Variants in ZNF134 observed in about 807,000 individuals in gnomAD.
ZNF134 encodes the protein zinc finger protein 134.
ZNF134 carries 5 observed loss-of-function variants against 2.5 expected under a neutral mutation model. That is an observed-to-expected ratio of 2.03 (90% CI 1.06 to 4.27). The LOEUF (loss-of-function observed/expected upper bound fraction) is 4.27. ZNF134 is among the 30% of genes most tolerant of loss of function. The probability of loss-of-function intolerance (pLI) is 0.00; values close to 1 mark genes in which losing one functional copy is unlikely to be tolerated. For missense variants in ZNF134, 540 were observed against 517.5 expected (o/e 1.04, Z -0.42); for synonymous variants, 176 against 176.2 (o/e 1.00, Z 0.01).
Position 57,620,404 on chromosome 19 carries a change from G to A in ZNF134, c.285G>A (p.Gln95=), listed in dbSNP as rs1981168769. Residue 95 remains glutamine (Q), a synonymous_variant, in exon 3 of 3, where the codon CAG becomes CAA. Transcript: ENST00000396161. The part of the protein sequence containing the change: ...RQFWFSANLH[Q]YQKCYSIEQP... ...TCTGGTTCAGTGCAAACCTTCATCA[G>A]TACCAGAAGTGTTACAGTATAGAGC... 1 of 1,614,068 alleles carries A rather than the reference G, an allele frequency of 6.2e-7. No individual in the cohort carries two copies. The highest frequency in any genetic ancestry group is 1.3e-5 in the African/African-American group (1 of 74,910).
rs1981251504 is a variant in ZNF134 at position 57,622,382 on chromosome 19, A to G, written c.*979A>G. ...TCTAAAGCATCCAGTAGGGAAACAA[A>G]ATTGATAAATATTGAGTGTGAGTAA... On this transcript the variant is annotated 3_prime_UTR_variant, in exon 3 of 3. Transcript: ENST00000396161. 6.6e-6 allele frequency: 1 copy of G among 152,238 alleles called. No individual in the cohort carries two copies. The highest frequency in any genetic ancestry group is 1.5e-5 in the Non-Finnish European group (1 of 68,064). The allele number at this position is 152,238 out of a possible 1,614,324, so 9.4% of individuals were successfully genotyped here.
intron 2 of ZNF134, 48 bp from the exon 3 acceptor site, chr19:57,620,112 C>A: frequency 6.3e-7 from 1 of 1,575,764 alleles, no homozygotes; most frequent in South Asian, 1.2e-5. Flanking sequence ...GTAGTTGCCC[C>A]ACCCACCAAA....
In ZNF134 at chr19:57,620,994, A is replaced by G; in HGVS notation, c.875A>G (p.Asp292Gly). 1 of 1,613,874 alleles carries G rather than the reference A, an allele frequency of 6.2e-7. No homozygotes were observed. The highest frequency in any genetic ancestry group is 8.5e-7 in the Non-Finnish European group (1 of 1,179,946). ...HNGARPYKCS[D>G]CGKVFRHKST... ...GGAGCAAGGCCTTATAAGTGCAGTGATTGTGGGAAAGTCTTCAGACACAAA... is the reference window on the plus strand; with the variant it reads ...GGAGCAAGGCCTTATAAGTGCAGTGGTTGTGGGAAAGTCTTCAGACACAAA... The change falls in exon 3 of 3, where the codon GAT (aspartate) becomes GGT (glycine). Residue 292 changes from aspartate to glycine, a missense_variant. Coordinates refer to ENST00000396161, the MANE Select transcript of ZNF134 (RefSeq NM_003435.5).
Position 57,614,257 on chromosome 19 carries a change from T to C in ZNF134, c.-304T>C, listed in dbSNP as rs899783789. 4 of 427,800 alleles carry C rather than the reference T, an allele frequency of 9.4e-6. No individual in the cohort carries two copies. The East Asian group carries it at 2.3e-4, about 25-fold the overall frequency. The allele number at this position is 427,800 out of a possible 1,614,324, so 26.5% of individuals were successfully genotyped here. ...TATCTTCCTCGCGGTGGACATCTTGTCGGCTCTTAGGTGGAACCATCGGAG... is the reference window on the plus strand; with the variant it reads ...TATCTTCCTCGCGGTGGACATCTTGCCGGCTCTTAGGTGGAACCATCGGAG... On this transcript the variant is annotated 5_prime_UTR_variant, in exon 1 of 3. Coordinates refer to ENST00000396161, the MANE Select transcript of ZNF134 (RefSeq NM_003435.5).
chr19:57,618,721 C>T (rs1981117606), intron 1 of ZNF134: 1 of 152,442 alleles, frequency 6.6e-6, no homozygotes, highest in African/African-American at 2.4e-5. Flanking sequence ...GAGAGGCTGT[C>T]CTTAAGCTCA....
Position 57,615,681 on chromosome 19 carries a change from G to A in ZNF134, c.-58+1178G>A, listed in dbSNP as rs569016778. 3.9e-5 allele frequency among the ~76,000 whole-genome samples: 6 copies of A among 152,274 alleles called. No homozygotes were observed. In the South Asian group the frequency reaches 6.2e-4, roughly 16 times the overall value. On this transcript the variant is annotated intron_variant, in intron 1 of 2. Coordinates refer to ENST00000396161, the MANE Select transcript of ZNF134 (RefSeq NM_003435.5). ...CTCCCCCATGGGCTGGGGTCGGACC[G>A]CTTAATCTAAGCTGAGCCAATTGGG...
rs1391140938 is a variant in ZNF134, at chr19:57,620,649, A to C, written c.530A>C (p.Lys177Thr). The change falls in exon 3 of 3, where the codon AAG becomes ACG. Residue 177 changes from lysine (K) to threonine (T), a missense_variant. By Grantham distance (78) the Lys-to-Thr change is moderately conservative. Transcript: ENST00000396161. Reference protein sequence around the residue: ...DAFHGEQMHYKCSECGKAFSR... With the variant: ...DAFHGEQMHYTCSECGKAFSR... ...TTTCATGGTGAACAAATGCATTACA[A>C]GTGCAGTGAATGTGGGAAAGCTTTC... 1.1e-5 allele frequency: 18 copies of C among 1,614,222 alleles called. No homozygotes were observed. The highest frequency in any genetic ancestry group is 1.7e-5 in the Admixed American group (1 of 60,028).
chr19:57,614,947 G>T (rs1303866483), intron 1 of ZNF134, among the ~76,000 whole-genome samples: 5 of 152,070 alleles, frequency 3.3e-5, no homozygotes, highest in African/African-American at 1.2e-4. Flanking sequence ...GTGGTGGCTG[G>T]GCCAGAGCAG....
chr19:57,617,191 C>T (rs910496046), intron 1 of ZNF134, among the ~76,000 whole-genome samples: 1 of 152,156 alleles, frequency 6.6e-6, no homozygotes, highest in Non-Finnish European at 1.5e-5. Context: ...TTGGGAGCCA[C>T]TGCAGGTTTG....
chr19:57,620,936 T>C lies in ZNF134; in HGVS notation c.817T>C (p.Ser273Pro), dbSNP rs1315988480. Residue 273 changes from serine to proline, a missense_variant, in exon 3 of 3, where the codon TCC (serine) becomes CCC (proline). Transcript: ENST00000396161. The part of the protein sequence containing the change: ...NECGKYFSHH[S>P]NLIVHQRVHN... ...ATGTGGGAAATATTTTAGCCATCAC[T>C]CCAATCTAATTGTACACCAGAGAGT... 3 of 1,614,234 alleles carry C rather than the reference T, an allele frequency of 1.9e-6. No homozygotes were observed. Among genetic ancestry groups the C allele is most frequent in the Non-Finnish European group, 2.5e-6 (3 of 1,180,044 alleles).
intron 2 of ZNF134, 129 bp from the exon 3 acceptor site, chr19:57,620,031 C>G: frequency 9.2e-7 from 1 of 1,087,232 alleles, no homozygotes; most frequent in Non-Finnish European, 1.3e-6. Context: ...TTTTTTCAAC[C>G]TGATCCTAGC....
chr19:57,619,451 C>A lies in ZNF134; in HGVS notation c.-18C>A. On this transcript the variant is annotated 5_prime_UTR_variant, in exon 2 of 3. In the 5' UTR this introduces an upstream ATG that the reference lacks. Transcript: ENST00000396161. ...TTGAATTGTAACAAGAGAGAGAACT[C>A]TGGCTGCCTGAGAGGGCATGACTCT... 1 of 1,600,386 alleles carries A rather than the reference C, an allele frequency of 6.2e-7. No individual in the cohort carries two copies.
At chr19:57,619,562 G>A (rs760229952) in intron 2 of ZNF134, 54 bp downstream of exon 2, 95 of 1,534,676 alleles carry the variant, frequency 6.2e-5, no homozygotes, top group African/African-American at 1.1e-4. Flanking sequence ...CTGTAGTTCC[G>A]GAAACCTATG....
chr19:57,616,062 A>G (rs1568629339), intron 1 of ZNF134, among the ~76,000 whole-genome samples: 1 of 152,168 alleles, frequency 6.6e-6, no homozygotes, highest in Non-Finnish European at 1.5e-5. Context: ...TAGGTTTGCC[A>G]CCCTACAGGC....
rs1981316647 is a variant in ZNF134, at chr19:57,624,304, C to A, written c.*2901C>A. ...TAACTAGTTTTCTAGTTTTACAGAT[C>A]CAAATGAGACAGGAATAGCACTGGG... On this transcript the variant is annotated 3_prime_UTR_variant, in exon 3 of 3. Coordinates refer to ENST00000396161, the MANE Select transcript of ZNF134 (RefSeq NM_003435.5). 6.6e-6 allele frequency: 1 copy of A among 151,912 alleles called. No homozygotes were observed. The highest frequency in any genetic ancestry group is 6.6e-5 in the Admixed American group (1 of 15,250). 9.4% of individuals were successfully genotyped at this position (151,912 alleles called of 1,614,324 possible).
chr19:57,620,287 C>T lies in ZNF134; in HGVS notation c.168C>T (p.Gly56=). 1.1e-5 allele frequency: 17 copies of T among 1,614,156 alleles called. No individual in the cohort carries two copies. The highest frequency in any genetic ancestry group is 1.4e-5 in the Non-Finnish European group (17 of 1,180,048). ...AQTALPCDIC[G]PILKDILHLD... is the part of the protein sequence containing the mutation. The stretch of plus-strand genomic sequence containing the variant: ...CGGCTCTCCCTTGTGACATATGTGG[C>T]CCCATCTTGAAAGATATTTTGCACC... The change falls in exon 3 of 3, where the codon GGC becomes GGT. Residue 56 remains glycine, a synonymous_variant. Transcript: ENST00000396161.
chr19:57,621,453 T>C lies in ZNF134; in HGVS notation c.*50T>C, dbSNP rs922171636. ...CATCAATCAGATGTTGAATTTCATG[T>C]ATCTGAACATTGACACAAAGGAGAT... On this transcript the variant is annotated 3_prime_UTR_variant, in exon 3 of 3. Transcript: ENST00000396161. 1.2e-6 allele frequency: 2 copies of C among 1,603,492 alleles called. No homozygotes were observed. Among genetic ancestry groups the C allele is most frequent in the African/African-American group, 1.3e-5 (1 of 75,028 alleles).
rs1981137851 is a variant in ZNF134, at chr19:57,619,476, T to C, written c.8T>C (p.Leu3Pro). 1 of 1,606,196 alleles carries C rather than the reference T, an allele frequency of 6.2e-7. No homozygotes were observed. The highest frequency in any genetic ancestry group is 1.3e-5 in the African/African-American group (1 of 74,860). Residue 3 changes from leucine to proline, a missense_variant, in exon 2 of 3, where the codon CTA becomes CCA. Transcript: ENST00000396161. MT[L>P]VTAGGAWTGP... The stretch of plus-strand genomic sequence containing the variant: ...CTGGCTGCCTGAGAGGGCATGACTC[T>C]AGTCACAGCAGGAGGGGCTTGGACA...
In ZNF134 at chr19:57,619,475, C is replaced by G. The variant is rs1379132741; in HGVS notation, c.7C>G (p.Leu3Val). MT[L>V]VTAGGAWTGP... is the part of the protein sequence containing the mutation. ...TCTGGCTGCCTGAGAGGGCATGACT[C>G]TAGTCACAGCAGGAGGGGCTTGGAC... Residue 3 changes from leucine (L) to valine (V), a missense_variant, in exon 2 of 3, where the codon CTA (leucine) becomes GTA (valine). Coordinates refer to ENST00000396161, the MANE Select transcript of ZNF134 (RefSeq NM_003435.5). 1.2e-6 allele frequency: 2 copies of G among 1,605,944 alleles called. No individual in the cohort carries two copies. Among genetic ancestry groups the G allele is most frequent in the African/African-American group, 1.3e-5 (1 of 74,854 alleles).
Sources: allele counts gnomAD v4.1 joint callset (sites outside exome capture counted in the v4.1 genomes callset), GRCh38; gene constraint gnomAD v4.1.1; transcripts MANE v1.5; gene names NCBI Gene and HGNC (gene_info 2026-07-23, HGNC 2026-07-21).